PGPEP1L: variants seen among roughly 807,000 people sequenced by gnomAD.
PGPEP1L encodes the protein pyroglutamyl-peptidase I like.
In PGPEP1L, 7 loss-of-function variants were observed where a neutral mutation model predicts 6.0. That is an observed-to-expected ratio of 1.17 (90% CI 0.66 to 2.19). The LOEUF is 2.19. Among genes scored for constraint, PGPEP1L ranks in the 30% most tolerant of loss-of-function variants. PGPEP1L has a pLI of 0.00. For synonymous variants in PGPEP1L, 103 were observed against 83.9 expected (o/e 1.23, Z -1.24); for missense variants, 209 against 192.5 (o/e 1.09, Z -0.51).
At chr15:99,002,938 C>T (rs1206337107) in intron 2 of PGPEP1L, among the ~76,000 whole-genome samples, 6 of 152,182 alleles carry the variant, frequency 3.9e-5, no homozygotes, top group Non-Finnish European at 7.3e-5. Flanking sequence ...CCCTGGACCT[C>T]AGGCCTTTAG....
intron 2 of PGPEP1L, among the ~76,000 whole-genome samples, chr15:98,983,378 AAG>A (rs1429170715): frequency 1.3e-5 from 2 of 152,138 alleles, no homozygotes; most frequent in Non-Finnish European, 1.5e-5. Context: ...CTTTGGGGCA[AAG>A]AGAAATTATT....
At chr15:98,996,059 T>C (rs1555472472) in intron 2 of PGPEP1L, among the ~76,000 whole-genome samples, 1 of 152,226 alleles carries the variant, frequency 6.6e-6, no homozygotes, top group African/African-American at 2.4e-5. Context: ...TCATTTTACC[T>C]GATCTTTTCA....
At chr15:98,980,627 G>A (rs1176476231) in intron 2 of PGPEP1L, among the ~76,000 whole-genome samples, 6 of 151,898 alleles carry the variant, frequency 4.0e-5, no homozygotes, top group Non-Finnish European at 7.4e-5. Context: ...GATAGAAGTG[G>A]GGACAAAAAG....
intron 1 of PGPEP1L, among the ~76,000 whole-genome samples, chr15:99,006,272 G>C (rs1976574): frequency 0.68 from 104,009 of 152,102 alleles, 36,523 homozygotes; most frequent in Non-Finnish European, 0.78. Flanking sequence ...TTGCCACCTA[G>C]CTAGCGTCTG....
In PGPEP1L at chr15:98,974,504, A is replaced by C. The variant is rs1303741794; in HGVS notation, c.-141-3346T>G. ...GTAACAGATAGAATCAGTAATAAAA[A>C]GTCTCCTGACAAAGAAAAGCCCAGA... is the stretch of plus-strand genomic sequence containing the variant. On this transcript the variant is annotated intron_variant, in intron 2 of 4. Coordinates refer to ENST00000535714, the MANE Select transcript of PGPEP1L (RefSeq NM_001167902.2). Among the ~76,000 whole-genome samples the C allele has an allele frequency of 3.3e-5, 5 of 152,372 alleles. No individual in the cohort carries two copies. The South Asian group carries it at 8.3e-4, about 25-fold the overall frequency.
chr15:98,977,124 AT>A (rs918109305), intron 2 of PGPEP1L, among the ~76,000 whole-genome samples: 16 of 151,276 alleles, frequency 1.1e-4, no homozygotes, highest in South Asian at 8.3e-4. Flanking sequence ...ATGGTCTTTT[AT>A]TTTTTTTCTT....
At chr15:99,004,743 C>T (rs1400268822) in intron 2 of PGPEP1L, among the ~76,000 whole-genome samples, 5 of 152,004 alleles carry the variant, frequency 3.3e-5, no homozygotes, top group Non-Finnish European at 5.9e-5. Flanking sequence ...AAATAAAGAC[C>T]TTTGTGAAGA....
intron 2 of PGPEP1L, among the ~76,000 whole-genome samples, chr15:98,987,522 G>A (rs1429297194): frequency 2.6e-5 from 4 of 152,172 alleles, no homozygotes; most frequent in Non-Finnish European, 5.9e-5. Context: ...CCAGCGGCAT[G>A]GGGACAACTA....
At chr15:98,974,827 G>A (rs919604302) in intron 2 of PGPEP1L, among the ~76,000 whole-genome samples, 5 of 152,174 alleles carry the variant, frequency 3.3e-5, no homozygotes, top group African/African-American at 1.2e-4. Context: ...ACCCTGGGAG[G>A]CGGAGGCTGC....
intron 2 of PGPEP1L, among the ~76,000 whole-genome samples, chr15:98,977,132 T>C (rs1367294878): frequency 6.6e-6 from 1 of 152,182 alleles, no homozygotes; most frequent in Non-Finnish European, 1.5e-5. Context: ...TTATTTTTTT[T>C]CTTGATCAAT....
At chr15:98,993,659 C>T (rs1359539981) in intron 2 of PGPEP1L, among the ~76,000 whole-genome samples, 1 of 141,748 alleles carries the variant, frequency 7.1e-6, no homozygotes, top group Non-Finnish European at 1.5e-5. Context: ...GGGCATCACA[C>T]ACCGGGGCCT....
chr15:98,987,212 T>G (rs1354632018), intron 2 of PGPEP1L, among the ~76,000 whole-genome samples: 1 of 149,152 alleles, frequency 6.7e-6, no homozygotes, highest in East Asian at 2.0e-4. Context: ...CAATTTAATT[T>G]TTGATATTCA....
At position 98,968,611 on chromosome 15, in the gene PGPEP1L, C is replaced by T. The variant is rs112530852; in HGVS notation, c.296G>A (p.Gly99Glu). 8 of 1,606,704 alleles carry T rather than the reference C, an allele frequency of 5.0e-6. No individual in the cohort carries two copies. The Admixed American group carries it at 5.1e-5, about 10-fold the overall frequency. ...TCTTCCCAGCAGGCTGGCCGGGAGC[C>T]CGCGCGATAGTGGAGGGACATGGAT... ...ALIHVPPLSRGLPASLLGRAL... is the reference protein window; with the variant it reads ...ALIHVPPLSRELPASLLGRAL... Residue 99 changes from glycine to glutamate, a missense_variant, in exon 5 of 5, where the codon GGG becomes GAG. Gly to Glu is a moderately conservative substitution (Grantham distance 98, BLOSUM62 -2). Transcript: ENST00000535714.
intron 2 of PGPEP1L, among the ~76,000 whole-genome samples, chr15:98,987,488 G>A (rs537635082): frequency 4.3e-4 from 66 of 152,246 alleles, no homozygotes; most frequent in African/African-American, 1.5e-3. Context: ...AGGGGTGGTG[G>A]TGGGGTTGTG....
At chr15:98,981,328 TA>T (rs1336416567) in intron 2 of PGPEP1L, among the ~76,000 whole-genome samples, 1 of 151,312 alleles carries the variant, frequency 6.6e-6, no homozygotes, top group Non-Finnish European at 1.5e-5. Flanking sequence ...CCGTCTCCAC[TA>T]AAAATACAAA....
At chr15:98,981,078 CCT>C (rs1567237248) in intron 2 of PGPEP1L, among the ~76,000 whole-genome samples, 3 of 152,196 alleles carry the variant, frequency 2.0e-5, no homozygotes, top group Non-Finnish European at 2.9e-5. Flanking sequence ...TGACACTTTA[CCT>C]CTGTCTTCCT....
chr15:98,981,289 C>G (rs192606135), intron 2 of PGPEP1L, among the ~76,000 whole-genome samples: 7,955 of 151,948 alleles, frequency 0.052, 261 homozygotes, highest in African/African-American at 0.087. Flanking sequence ...TCAGGAGATC[C>G]AGACCATCCT....
At chr15:98,997,796 A>G (rs1340205231) in intron 2 of PGPEP1L, among the ~76,000 whole-genome samples, 18 of 152,104 alleles carry the variant, frequency 1.2e-4, no homozygotes, top group African/African-American at 3.9e-4. Context: ...CCCGGGCCCC[A>G]TAGCCAGAAG....
intron 2 of PGPEP1L, among the ~76,000 whole-genome samples, chr15:98,975,950 T>C (rs1419749909): frequency 1.3e-5 from 2 of 151,896 alleles, no homozygotes; most frequent in Non-Finnish European, 2.9e-5. Context: ...AAAAGATGTA[T>C]GGTGAAATAA....
Sources: allele counts gnomAD v4.1 joint callset (sites outside exome capture counted in the v4.1 genomes callset), GRCh38; gene constraint gnomAD v4.1.1; transcripts MANE v1.5; gene names NCBI Gene and HGNC (gene_info 2026-07-23, HGNC 2026-07-21).